Variants in PAM observed in about 807,000 individuals in gnomAD.
PAM encodes peptidylglycine alpha-amidating monooxygenase, also known as peptidyl-glycine alpha-amidating monooxygenase.
A neutral mutation model predicts 122.1 loss-of-function variants in PAM; 72 were observed. The observed-to-expected ratio is 0.59, with a 90% CI of 0.49 to 0.72. PAM has a LOEUF of 0.72. PAM is among the 30% of genes least tolerant of loss of function. PAM has a pLI of 0.00. For missense variants in PAM, 1,106 were observed against 1,183.7 expected, an observed-to-expected ratio of 0.93 and a Z score of 0.96; for synonymous variants, 389 against 404.4, an observed-to-expected ratio of 0.96 and a Z score of 0.46.
chr5:102,973,088 G>T (rs1562091393), intron 14 of PAM, among the ~76,000 whole-genome samples: 1 of 152,256 alleles, frequency 6.6e-6, no homozygotes, highest in East Asian at 1.9e-4. Flanking sequence ...TAATTGTGCT[G>T]TAAATGTAAT....
chr5:102,778,463 A>G lies in PAM; in HGVS notation c.-374+23115A>G, dbSNP rs552327533. Among the ~76,000 whole-genome samples, 143 of 152,308 alleles carry G rather than the reference A, an allele frequency of 9.4e-4. 1 individual carries two copies. The highest frequency in any genetic ancestry group is 1.3e-3 in the Non-Finnish European group (89 of 68,032). On this transcript the variant is annotated intron_variant, in intron 1 of 25. Coordinates refer to ENST00000438793, the MANE Select transcript of PAM (RefSeq NM_001177306.2). Reference sequence around the variant, plus strand: ...GGAGACTGTAACATTACCAAAAATCATATTAAGGATTCAGAATAATCAAAA... The same window carrying G: ...GGAGACTGTAACATTACCAAAAATCGTATTAAGGATTCAGAATAATCAAAA...
At chr5:102,944,082 A>C (rs887507643) in intron 7 of PAM, among the ~76,000 whole-genome samples, 6 of 152,160 alleles carry the variant, frequency 3.9e-5, no homozygotes, top group African/African-American at 1.2e-4. Flanking sequence ...TTTAAAAATT[A>C]TTATTTCAAC....
At chr5:103,009,536 G>A (rs1170779857) in intron 20 of PAM, among the ~76,000 whole-genome samples, 2 of 152,078 alleles carry the variant, frequency 1.3e-5, no homozygotes, top group East Asian at 1.9e-4. Context: ...TTCAGTTCCC[G>A]ATTTTCCTGT....
At chr5:102,897,969 AT>A (rs1235745802) in intron 3 of PAM, among the ~76,000 whole-genome samples, 3 of 151,646 alleles carry the variant, frequency 2.0e-5, no homozygotes, top group East Asian at 3.9e-4. Context: ...CTACATCTCT[AT>A]TCGCAAACAA....
chr5:103,002,359 C>T lies in PAM; in HGVS notation c.1614-674C>T, dbSNP rs899432193. On this transcript the variant is annotated intron_variant, in intron 16 of 25. Coordinates refer to ENST00000438793, the MANE Select transcript of PAM (RefSeq NM_001177306.2). ...TACTGAGTTTAAAAGCAGAAATTGT[C>T]ATATTTAAGTTTTTTAATTAATTAT... Among the ~76,000 whole-genome samples the T allele has an allele frequency of 4.5e-4, 68 of 151,888 alleles. 2 individuals are homozygous for T. Among genetic ancestry groups the T allele is most frequent in the Admixed American group, 4.4e-3 (67 of 15,238 alleles).
chr5:102,780,301 T>A (rs1758371366), intron 1 of PAM, among the ~76,000 whole-genome samples: 1 of 152,114 alleles, frequency 6.6e-6, no homozygotes, highest in Admixed American at 6.5e-5. Flanking sequence ...GTACCACCAT[T>A]GGCATTGTTG....
chr5:102,937,989 A>C (rs959359132), intron 7 of PAM, among the ~76,000 whole-genome samples: 1 of 152,124 alleles, frequency 6.6e-6, no homozygotes, highest in African/African-American at 2.4e-5. Flanking sequence ...TCATGTAGAG[A>C]TATTTCTAAA....
intron 11 of PAM, among the ~76,000 whole-genome samples, chr5:102,950,416 G>GGGGTGGGGGTGTGTGT (rs372626572): frequency 1.4e-5 from 2 of 145,966 alleles, no homozygotes; most frequent in East Asian, 4.0e-4. Flanking sequence ...TATGTGGGTG[G>GGGGTGGGGGTGTGTGT]GTGTGTGTGT....
chr5:102,856,796 G>T (rs867758478), intron 1 of PAM, among the ~76,000 whole-genome samples: 1 of 152,056 alleles, frequency 6.6e-6, no homozygotes, highest in Non-Finnish European at 1.5e-5. Context: ...CAGCATATAT[G>T]TTCTAATAGG....
intron 1 of PAM, among the ~76,000 whole-genome samples, chr5:102,782,843 CT>C (rs761575537): frequency 6.8e-6 from 1 of 147,898 alleles, no homozygotes; most frequent in Non-Finnish European, 1.5e-5. Context: ...AGAAATTTTG[CT>C]TTTGTGAAAA....
chr5:103,021,497 A>G (rs1167273825), intron 23 of PAM, among the ~76,000 whole-genome samples: 1 of 152,194 alleles, frequency 6.6e-6, no homozygotes, highest in Non-Finnish European at 1.5e-5. Flanking sequence ...TAATGCTGTC[A>G]TATAGGCCAT....
chr5:103,014,201 T>G (rs1159980994), intron 21 of PAM, among the ~76,000 whole-genome samples: 1 of 152,186 alleles, frequency 6.6e-6, no homozygotes, highest in Non-Finnish European at 1.5e-5. Context: ...ATATTAACTT[T>G]TAATTTAAAT....
intron 1 of PAM, among the ~76,000 whole-genome samples, chr5:102,822,960 T>C (rs774909699): frequency 5.3e-5 from 8 of 152,138 alleles, no homozygotes; most frequent in Non-Finnish European, 1.0e-4. Flanking sequence ...ATGGCCAGTC[T>C]AAAGGACTGA....
At chr5:103,020,587 G>A (rs17154959) in intron 23 of PAM, among the ~76,000 whole-genome samples, 45,085 of 151,896 alleles carry the variant, frequency 0.3, 6,818 homozygotes, top group East Asian at 0.44. Flanking sequence ...GTACATTCTA[G>A]CATCTGCAGG....
Position 103,016,673 on chromosome 5 carries a change from G to A in PAM, c.2332-661G>A, listed in dbSNP as rs185945468. On this transcript the variant is annotated intron_variant, in intron 21 of 25. Coordinates refer to ENST00000438793, the MANE Select transcript of PAM (RefSeq NM_001177306.2). Reference sequence around the variant, plus strand: ...TATATTAAAATACAGAGCATCTGAAGTAGGGACAAAAGCCCAGGAAGTACT... The same window carrying A: ...TATATTAAAATACAGAGCATCTGAAATAGGGACAAAAGCCCAGGAAGTACT... Among the ~76,000 whole-genome samples, 288 of 152,302 alleles carry A rather than the reference G, an allele frequency of 1.9e-3. 1 individual carries two copies. The highest frequency in any genetic ancestry group is 3.6e-3 in the Non-Finnish European group (246 of 68,028).
At chr5:102,767,057 C>T (rs1409073986) in intron 1 of PAM, among the ~76,000 whole-genome samples, 5 of 149,578 alleles carry the variant, frequency 3.3e-5, no homozygotes, top group Admixed American at 3.3e-4. Context: ...TTCTGGAAGG[C>T]CACATGTGGT....
chr5:103,010,860 A>C (rs370244407), intron 21 of PAM, among the ~76,000 whole-genome samples: 160 of 152,304 alleles, frequency 1.1e-3, no homozygotes, highest in Non-Finnish European at 2.0e-3. Flanking sequence ...GCAATGTGCT[A>C]AAATAATAAT....
At position 102,882,699 on chromosome 5, in the gene PAM, G is replaced by T. The variant is rs1291126563; in HGVS notation, c.210+15306G>T. Reference sequence around the variant, plus strand: ...GTTTACTATGCTGATTACTTCTTTTGCTGTGCAGAAGCCTTTTAGTTTAAT... The same window carrying T: ...GTTTACTATGCTGATTACTTCTTTTTCTGTGCAGAAGCCTTTTAGTTTAAT... On this transcript the variant is annotated intron_variant, in intron 3 of 25. Transcript: ENST00000438793. Among the ~76,000 whole-genome samples, 4 of 152,152 alleles carry T rather than the reference G, an allele frequency of 2.6e-5. No homozygotes were observed. In the East Asian group the frequency reaches 7.7e-4, roughly 29 times the overall value.
chr5:102,782,852 A>G (rs1759427434), intron 1 of PAM, among the ~76,000 whole-genome samples: 1 of 151,604 alleles, frequency 6.6e-6, no homozygotes, highest in African/African-American at 2.4e-5. Context: ...GCTTTTGTGA[A>G]AAATCTGCCT....
Sources: allele counts gnomAD v4.1 joint callset (sites outside exome capture counted in the v4.1 genomes callset), GRCh38; gene constraint gnomAD v4.1.1; transcripts MANE v1.5; gene names NCBI Gene and HGNC (gene_info 2026-07-23, HGNC 2026-07-21).